The following MYOM1 variants were observed in gnomAD, a reference collection of about 807,000 sequenced individuals.
MYOM1 encodes myomesin-1.
Under a neutral mutation model 205.3 loss-of-function variants are expected in MYOM1, and 164 were observed. That is an observed-to-expected ratio of 0.80 (90% CI 0.70 to 0.91). The LOEUF (loss-of-function observed/expected upper bound fraction) is 0.91. Among genes scored for constraint, MYOM1 ranks in the 40% least tolerant of loss-of-function variants. MYOM1 has a pLI of 0.00. For synonymous variants in MYOM1, 772 were observed against 789.4 expected (o/e 0.98, Z 0.37); for missense variants, 2,011 against 2,127.3 (o/e 0.95, Z 1.08).
chr18:3,156,855 C>T (rs1048498065), intron 10 of MYOM1, among the ~76,000 whole-genome samples: 1 of 152,052 alleles, frequency 6.6e-6, no homozygotes, highest in Non-Finnish European at 1.5e-5. Flanking sequence ...GTGATCCGCC[C>T]GCCTCGGCCT....
intron 14 of MYOM1, among the ~76,000 whole-genome samples, chr18:3,136,870 T>C (rs1340137433): frequency 6.6e-6 from 1 of 152,224 alleles, no homozygotes; most frequent in Non-Finnish European, 1.5e-5. Flanking sequence ...TCAAGGAGCT[T>C]TGTTCACTGC....
intron 23 of MYOM1, among the ~76,000 whole-genome samples, chr18:3,101,954 A>G (rs2079381910): frequency 4.9e-5 from 7 of 141,950 alleles, no homozygotes; most frequent in Admixed American, 4.2e-4. Flanking sequence ...CTGAGTTGCT[A>G]GGATTTCAGG....
the MYOM1 span, among the ~76,000 whole-genome samples, chr18:3,228,409 G>A: frequency 4.6e-3 from 694 of 152,256 alleles, 9 homozygotes; most frequent in African/African-American, 0.016. This position sits in a 1 kb window ranked among gnomAD's most constrained non-coding sequence, Gnocchi z 4.5. Flanking sequence ...CTGGAACAAC[G>A]GAGAGCCAGA....
chr18:3,094,196 TA>T lies in MYOM1; in HGVS notation c.3837del (p.Phe1279LeufsTer86). 1 of 1,613,986 alleles carries T rather than the reference TA, an allele frequency of 6.2e-7. No individual in the cohort carries two copies. Among genetic ancestry groups the T allele is most frequent in the Non-Finnish European group, 8.5e-7 (1 of 1,179,868 alleles). ...LSGNAKVNYI[F>X]NEKEIFEGPK... Reference sequence around the variant, plus strand: ...GGGCCTTCAAAAATTTCCTTCTCGTTAAATATGTAGTTGACTTTGGCATTGC... The same window carrying T: ...GGGCCTTCAAAAATTTCCTTCTCGTTAATATGTAGTTGACTTTGGCATTGC... On this transcript the variant is annotated frameshift_variant, in exon 26 of 38. Transcript: ENST00000356443. LOFTEE classifies it high-confidence loss of function.
In MYOM1 at chr18:3,219,518, G is replaced by A. The variant is rs143513737; in HGVS notation, c.-29+285C>T. Among the ~76,000 whole-genome samples the A allele has an allele frequency of 1.3e-5, 2 of 152,196 alleles. No individual in the cohort carries two copies. Among genetic ancestry groups the A allele is most frequent in the South Asian group, 2.1e-4 (1 of 4,816 alleles). On this transcript the variant is annotated intron_variant, in intron 1 of 37. Coordinates refer to ENST00000356443, the MANE Select transcript of MYOM1 (RefSeq NM_003803.4). The surrounding 1 kb of genome is among the most constrained non-coding windows in gnomAD (Gnocchi z 4.4). Reference sequence around the variant, plus strand: ...TACTTGGAAATAGCATTAAACACACGCTTACAGTTCAATCCGAGGCAGATA... The same window carrying A: ...TACTTGGAAATAGCATTAAACACACACTTACAGTTCAATCCGAGGCAGATA...
chr18:3,143,818 T>G (rs2080084207), intron 13 of MYOM1, among the ~76,000 whole-genome samples: 1 of 148,380 alleles, frequency 6.7e-6, no homozygotes, highest in Non-Finnish European at 1.5e-5. Flanking sequence ...AGAGAATTGC[T>G]TGAGCCCAAG....
In MYOM1 at chr18:3,135,676, A is replaced by T; in HGVS notation, c.2080T>A (p.Ser694Thr). The T allele has an allele frequency of 6.2e-7, 1 of 1,613,896 alleles. No individual in the cohort carries two copies. The highest frequency in any genetic ancestry group is 8.5e-7 in the Non-Finnish European group (1 of 1,179,852). ...AAGTCAAACAGAGCAAAGCGGGGAG[A>T]CTTCACAGGGAGCTCCGTGTTCACT... ...QRVNTELPVK[S>T]PRFALFDLAE... The change falls in exon 15 of 38, where the codon TCT becomes ACT. Residue 694 changes from serine (S) to threonine (T), a missense_variant. By Grantham distance (58) the Ser-to-Thr change is moderately conservative (BLOSUM62 1). Coordinates refer to ENST00000356443, the MANE Select transcript of MYOM1 (RefSeq NM_003803.4). The surrounding 1 kb of genome is among the most constrained non-coding windows in gnomAD (Gnocchi z 4.1).
At chr18:3,104,034 G>A (rs906005552) in intron 22 of MYOM1, among the ~76,000 whole-genome samples, 3 of 152,146 alleles carry the variant, frequency 2.0e-5, no homozygotes, top group Non-Finnish European at 2.9e-5. Context: ...AAAGGCTTAA[G>A]TATTCCTTAA....
At chr18:3,117,783 G>T (rs2079627395) in intron 20 of MYOM1, among the ~76,000 whole-genome samples, 1 of 152,072 alleles carries the variant, frequency 6.6e-6, no homozygotes, top group South Asian at 2.1e-4. Flanking sequence ...CTTTGGTGTT[G>T]TGTAATTGAT....
intron 20 of MYOM1, among the ~76,000 whole-genome samples, chr18:3,119,479 G>C (rs760870951): frequency 7.9e-5 from 12 of 152,176 alleles, no homozygotes; most frequent in Non-Finnish European, 1.5e-4. Context: ...AAGAAGTGCA[G>C]GGAGAAGTGT....
chr18:3,206,892 G>C (rs2081129899), intron 2 of MYOM1, among the ~76,000 whole-genome samples: 1 of 152,004 alleles, frequency 6.6e-6, no homozygotes, highest in African/African-American at 2.4e-5. Flanking sequence ...TAAATATTAT[G>C]ATGTCAAAAT....
chr18:3,151,683 A>G lies in MYOM1; in HGVS notation c.1843+11T>C. 6.2e-7 allele frequency: 1 copy of G among 1,605,288 alleles called. No homozygotes were observed. Among genetic ancestry groups the G allele is most frequent in the African/African-American group, 1.3e-5 (1 of 74,602 alleles). On this transcript the variant is annotated intron_variant, in intron 12 of 37. Transcript: ENST00000356443. ...GTTTAGGGAAGGTCCTGAAAAATGA[A>G]AAGTGCTTACTTTTAAGTCTAGCTT...
chr18:3,134,914 C>T, intron 15 of MYOM1, 90 bp from the exon 16 acceptor site: 1 of 1,265,256 alleles, frequency 7.9e-7, no homozygotes, highest in South Asian at 1.3e-5. Flanking sequence ...AGGTATTTTA[C>T]ACACTTCGTC....
intron 2 of MYOM1, among the ~76,000 whole-genome samples, chr18:3,200,585 C>G (rs74911690): frequency 6.6e-6 from 1 of 151,866 alleles, no homozygotes; most frequent in African/African-American, 2.4e-5. Context: ...TTAAAAAGTA[C>G]GATAACAAAT....
At position 3,210,457 on chromosome 18, in the gene MYOM1, A is replaced by G. The variant is rs113657090; in HGVS notation, c.290+4477T>C. On this transcript the variant is annotated intron_variant, in intron 2 of 37. Transcript: ENST00000356443. ...TAGGGTGCCCAGGGAAAGTCACTCA[A>G]GCCTCAGTGTTTTCATCCCCAAACT... 1.4e-3 allele frequency among the ~76,000 whole-genome samples: 212 copies of G among 152,276 alleles called. 3 individuals carry two copies. The highest frequency in any genetic ancestry group is 4.8e-3 in the African/African-American group (200 of 41,568).
chr18:3,225,681 T>C, the MYOM1 span, among the ~76,000 whole-genome samples: 9,923 of 152,220 alleles, frequency 0.065, 367 homozygotes, highest in Middle Eastern at 0.13. Context: ...ATGCCGAACA[T>C]GTCCAAAGTC....
rs143882276 is a variant in MYOM1 at position 3,074,216 on chromosome 18, C to G, written c.4708+1238G>C. Among the ~76,000 whole-genome samples, 97 of 152,296 alleles carry G rather than the reference C, an allele frequency of 6.4e-4. 3 individuals are homozygous for G. The East Asian group carries it at 0.014, about 22-fold the overall frequency. On this transcript the variant is annotated intron_variant, in intron 36 of 37. Transcript: ENST00000356443. ...CTCAACACCCCACTTCCCCCTTGACCTCTGGTGCCCCAGTACCAGCCTCTG... is the reference window on the plus strand; with the variant it reads ...CTCAACACCCCACTTCCCCCTTGACGTCTGGTGCCCCAGTACCAGCCTCTG...
chr18:3,100,216 A>G lies in MYOM1; in HGVS notation c.3683-13T>C, dbSNP rs1194607445. On this transcript the variant is annotated splice_polypyrimidine_tract_variant and intron_variant, in intron 24 of 37. Transcript: ENST00000356443. ...AAACGTTTCAATTCTGTAGGGGGAA[A>G]AAGAAGGCAGTTAAACCTTAAACTA... 1 of 1,614,006 alleles carries G rather than the reference A, an allele frequency of 6.2e-7. No individual in the cohort carries two copies.
At chr18:3,115,104 G>T (rs1047543404) in intron 21 of MYOM1, among the ~76,000 whole-genome samples, 1 of 152,058 alleles carries the variant, frequency 6.6e-6, no homozygotes, top group African/African-American at 2.4e-5. Flanking sequence ...CATCTAGGAT[G>T]TTCCTGACCT....
Sources: allele counts gnomAD v4.1 joint callset (sites outside exome capture counted in the v4.1 genomes callset), GRCh38; gene constraint gnomAD v4.1.1; non-coding constraint Gnocchi (gnomAD v3.1); transcripts MANE v1.5; gene names NCBI Gene and HGNC (gene_info 2026-07-23, HGNC 2026-07-21).